CCSER1: variants seen among roughly 807,000 people sequenced by gnomAD.
CCSER1 encodes coiled-coil serine rich protein 1, also known as serine-rich coiled-coil domain-containing protein 1.
In CCSER1, 41 loss-of-function variants were observed where a neutral mutation model predicts 82.0. The observed-to-expected ratio is 0.50, with a 90% confidence interval of 0.39 to 0.65. The LOEUF (loss-of-function observed/expected upper bound fraction) is 0.65, where lower values mean the gene tolerates loss of function less well. Among genes scored for constraint, CCSER1 ranks in the 30% least tolerant of loss-of-function variants. The pLI is 0.00. For missense variants in CCSER1, 1,119 were observed against 1,064.2 expected, an observed-to-expected ratio of 1.05 and a Z score of -0.72; for synonymous variants, 414 against 383.9, an observed-to-expected ratio of 1.08 and a Z score of -0.92.
At chr4:90,585,650 A>G (rs908043715) in intron 5 of CCSER1, among the ~76,000 whole-genome samples, 2 of 152,184 alleles carry the variant, frequency 1.3e-5, no homozygotes, top group Non-Finnish European at 2.9e-5. Flanking sequence ...TACTAGGTTG[A>G]ATGACTTTTT....
intron 5 of CCSER1, among the ~76,000 whole-genome samples, chr4:90,475,150 T>A (rs1401853246): frequency 6.6e-6 from 1 of 152,214 alleles, no homozygotes; most frequent in Non-Finnish European, 1.5e-5. Flanking sequence ...TAAATTCCAC[T>A]TAGGTTCTTA....
intron 1 of CCSER1, among the ~76,000 whole-genome samples, chr4:90,140,307 T>A (rs1724502010): frequency 6.6e-6 from 1 of 152,186 alleles, no homozygotes; most frequent in Non-Finnish European, 1.5e-5. Context: ...GAATCATTTG[T>A]GTTGTGTAAA....
chr4:90,765,155 T>C (rs1295198214), intron 7 of CCSER1, among the ~76,000 whole-genome samples: 1 of 152,160 alleles, frequency 6.6e-6, no homozygotes, highest in Non-Finnish European at 1.5e-5. Flanking sequence ...ATTAACTCTC[T>C]GCTATGTCCT....
chr4:91,296,466 T>TATATATATATA (rs1744176885), intron 10 of CCSER1, among the ~76,000 whole-genome samples: 1 of 51,282 alleles, frequency 1.9e-5, no homozygotes, highest in African/African-American at 7.4e-5. Flanking sequence ...TATATATATA[T>TATATATATATA]GTATATATAT....
chr4:90,187,543 T>C (rs1734843319), intron 1 of CCSER1, among the ~76,000 whole-genome samples: 1 of 151,874 alleles, frequency 6.6e-6, no homozygotes, highest in Admixed American at 6.6e-5. Context: ...GAAGCTACAA[T>C]TAAAATTTTA....
intron 5 of CCSER1, among the ~76,000 whole-genome samples, chr4:90,490,303 G>A (rs1361493993): frequency 6.6e-6 from 1 of 151,996 alleles, no homozygotes; most frequent in East Asian, 1.9e-4. Context: ...TGTGTCTTTT[G>A]GCTGCATAAA....
intron 10 of CCSER1, among the ~76,000 whole-genome samples, chr4:91,441,591 A>G (rs1232426328): frequency 2.0e-5 from 3 of 152,204 alleles, no homozygotes; most frequent in Non-Finnish European, 4.4e-5. Context: ...CACCACTCCT[A>G]TTCCACATAG....
chr4:90,463,913 A>G (rs902631308), intron 4 of CCSER1, among the ~76,000 whole-genome samples: 6 of 152,064 alleles, frequency 3.9e-5, no homozygotes, highest in Non-Finnish European at 8.8e-5. Context: ...CTGCTTTTTT[A>G]TGCTTTAACA....
chr4:90,958,435 A>G (rs1423221254), intron 9 of CCSER1, among the ~76,000 whole-genome samples: 1 of 152,160 alleles, frequency 6.6e-6, no homozygotes, highest in Admixed American at 6.5e-5. Flanking sequence ...CCTCTTGGGT[A>G]AGGTTTCCTC....
chr4:90,400,074 A>G lies in CCSER1; in HGVS notation c.1548A>G (p.Glu516=), dbSNP rs977639855. ...ATTTGGGATCTTGTGAACTGGATGA[A>G]GATGATCTAATGCTTGATCTTGAAT... ...LNNLGSCELD[E]DDLMLDLEFL... Residue 516 remains glutamate (E), a synonymous_variant, in exon 4 of 11, where the codon GAA becomes GAG. Coordinates refer to ENST00000509176, the MANE Select transcript of CCSER1 (RefSeq NM_001145065.2). 13 of 1,609,058 alleles carry G rather than the reference A, an allele frequency of 8.1e-6. No homozygotes were observed. The highest frequency in any genetic ancestry group is 1.1e-5 in the Non-Finnish European group (13 of 1,176,304).
At chr4:90,939,945 CTTAT>C (rs987972174) in intron 9 of CCSER1, among the ~76,000 whole-genome samples, 12 of 151,758 alleles carry the variant, frequency 7.9e-5, no homozygotes, top group African/African-American at 2.9e-4. Context: ...TTTTTATTGT[CTTAT>C]TTTATACTTA....
chr4:90,734,225 T>A (rs886298954), intron 7 of CCSER1, among the ~76,000 whole-genome samples: 48 of 151,884 alleles, frequency 3.2e-4, no homozygotes, highest in Non-Finnish European at 1.9e-4. Context: ...TCCTGGGTTC[T>A]TGCCATTCTC....
At chr4:90,785,008 G>A (rs1754283574) in intron 7 of CCSER1, among the ~76,000 whole-genome samples, 1 of 151,964 alleles carries the variant, frequency 6.6e-6, no homozygotes, top group Admixed American at 6.6e-5. Context: ...GCTTTCTCAG[G>A]GGTGGAAGAG....
At chr4:90,904,187 A>T (rs2150161157) in intron 8 of CCSER1, among the ~76,000 whole-genome samples, 1 of 152,192 alleles carries the variant, frequency 6.6e-6, no homozygotes, top group Admixed American at 6.6e-5. Context: ...TCTTAAACTA[A>T]ACGGAAATTT....
intron 7 of CCSER1, among the ~76,000 whole-genome samples, chr4:90,766,770 T>C (rs1356787013): frequency 6.6e-6 from 1 of 152,198 alleles, no homozygotes; most frequent in Non-Finnish European, 1.5e-5. Context: ...TTCTCTATAT[T>C]CACACATTTT....
chr4:91,253,848 C>A (rs1052942727), intron 10 of CCSER1, among the ~76,000 whole-genome samples: 17 of 152,098 alleles, frequency 1.1e-4, no homozygotes, highest in African/African-American at 3.9e-4. Context: ...CAAGAAGGAG[C>A]AAGAGAGGAG....
intron 5 of CCSER1, among the ~76,000 whole-genome samples, chr4:90,565,864 ATTTTTTTT>A (rs200488526): frequency 7.3e-6 from 1 of 136,824 alleles, no homozygotes; most frequent in Non-Finnish European, 1.6e-5. Context: ...ATCCCTCTTG[ATTTTTTTT>A]TTTTTTTTGA....
chr4:90,986,590 A>G (rs1736595901), intron 9 of CCSER1, among the ~76,000 whole-genome samples: 1 of 151,722 alleles, frequency 6.6e-6, no homozygotes, highest in East Asian at 1.9e-4. Flanking sequence ...TGAGATCATC[A>G]GAATTAGAGA....
intron 10 of CCSER1, among the ~76,000 whole-genome samples, chr4:91,421,215 T>C (rs1292244063): frequency 6.6e-6 from 1 of 152,138 alleles, no homozygotes. Flanking sequence ...TAAAAGGAGA[T>C]CTATTACAGG....
Sources: allele counts gnomAD v4.1 joint callset (sites outside exome capture counted in the v4.1 genomes callset), GRCh38; gene constraint gnomAD v4.1.1; transcripts MANE v1.5; gene names NCBI Gene and HGNC (gene_info 2026-07-23, HGNC 2026-07-21).